Variants in GREB1L observed in about 807,000 individuals in gnomAD.
GREB1L encodes GREB1-like protein.
A neutral mutation model predicts 200.8 loss-of-function variants in GREB1L; 17 were observed. That is an observed-to-expected ratio of 0.08 (90% CI 0.06 to 0.13). The LOEUF (loss-of-function observed/expected upper bound fraction) is 0.13, where lower values mean the gene tolerates loss of function less well. GREB1L is among the 10% of genes least tolerant of loss of function. The probability of loss-of-function intolerance (pLI) is 1.00; values close to 1 mark genes in which losing one functional copy is unlikely to be tolerated. For synonymous variants in GREB1L, 789 were observed against 893.0 expected (o/e 0.88, Z 2.08); for missense variants, 1,657 against 2,367.7 (o/e 0.70, Z 6.23).
chr18:21,496,132 C>T (rs2145902834), intron 20 of GREB1L, among the ~76,000 whole-genome samples: 1 of 152,166 alleles, frequency 6.6e-6, no homozygotes, highest in East Asian at 1.9e-4. Context: ...AGGGCAACAA[C>T]AACATCAACA....
chr18:21,296,839 GA>G (rs2038536019), intron 1 of GREB1L, among the ~76,000 whole-genome samples: 1 of 152,012 alleles, frequency 6.6e-6, no homozygotes, highest in Admixed American at 6.6e-5. Context: ...ATTTTTAGTA[GA>G]GACGGGGTTT....
chr18:21,390,335 C>T (rs116869137), intron 4 of GREB1L, among the ~76,000 whole-genome samples: 2,453 of 151,886 alleles, frequency 0.016, 24 homozygotes, highest in Non-Finnish European at 0.026. Flanking sequence ...CAGGCAGGTC[C>T]TTTAGGAGGT....
intron 1 of GREB1L, among the ~76,000 whole-genome samples, chr18:21,342,994 C>T (rs1157946093): frequency 6.6e-6 from 1 of 152,182 alleles, no homozygotes; most frequent in African/African-American, 2.4e-5. Context: ...TTACCTTCAT[C>T]TGTTTTTGTC....
chr18:21,255,595 A>G (rs902050812), intron 1 of GREB1L, among the ~76,000 whole-genome samples: 2 of 152,218 alleles, frequency 1.3e-5, no homozygotes, highest in East Asian at 1.9e-4. Context: ...TTCATGCCCA[A>G]TAAAGATGAA....
chr18:21,480,266 G>T (rs2145758743), intron 17 of GREB1L, among the ~76,000 whole-genome samples: 1 of 152,222 alleles, frequency 6.6e-6, no homozygotes, highest in East Asian at 1.9e-4. Context: ...CTGGAGAATT[G>T]CTTGAACCCA....
intron 1 of GREB1L, among the ~76,000 whole-genome samples, chr18:21,330,701 C>A (rs1286389149): frequency 6.6e-6 from 1 of 151,992 alleles, no homozygotes; most frequent in African/African-American, 2.4e-5. Flanking sequence ...ATACCTAAGT[C>A]TCTCTTTGAA....
intron 1 of GREB1L, among the ~76,000 whole-genome samples, chr18:21,273,539 A>T (rs1278578853): frequency 6.6e-6 from 1 of 152,244 alleles, no homozygotes; most frequent in Non-Finnish European, 1.5e-5. Context: ...CAAACAGAAG[A>T]TAACTAATAC....
chr18:21,486,275 A>T (rs2036124663), intron 18 of GREB1L, among the ~76,000 whole-genome samples: 2 of 150,170 alleles, frequency 1.3e-5, no homozygotes, highest in South Asian at 4.2e-4. Context: ...AATGGTGTGA[A>T]CCCGGGAGGT....
rs143374265 is a variant in GREB1L at position 21,276,748 on chromosome 18, A to G, written c.-120+34355A>G. 2.4e-3 allele frequency among the ~76,000 whole-genome samples: 366 copies of G among 152,100 alleles called. 2 individuals carry two copies. Among genetic ancestry groups the G allele is most frequent in the African/African-American group, 8.6e-3 (355 of 41,490 alleles). ...AAATTAGTTCATTTCTAGTCTTTCT[A>G]TTAAAAAAAGGAAGAAAGGGAAGAA... On this transcript the variant is annotated intron_variant, in intron 1 of 32. Transcript: ENST00000424526.
chr18:21,510,596 G>A (rs1226547095), intron 27 of GREB1L, among the ~76,000 whole-genome samples: 2 of 152,146 alleles, frequency 1.3e-5, no homozygotes, highest in Non-Finnish European at 2.9e-5. Context: ...ATCCGTCAGT[G>A]GACACTTGGG....
chr18:21,408,799 A>C (rs1365398953), intron 7 of GREB1L, among the ~76,000 whole-genome samples: 1 of 151,538 alleles, frequency 6.6e-6, no homozygotes, highest in African/African-American at 2.4e-5. Flanking sequence ...CATCTCAAAA[A>C]AAAAAAAAAA....
chr18:21,466,569 T>G (rs572632085), intron 15 of GREB1L, among the ~76,000 whole-genome samples: 14 of 152,254 alleles, frequency 9.2e-5, no homozygotes, highest in African/African-American at 3.4e-4. Context: ...AAGCTTATGC[T>G]TTGAAATAAT....
chr18:21,283,553 A>G (rs1335903124), intron 1 of GREB1L, among the ~76,000 whole-genome samples: 2 of 152,168 alleles, frequency 1.3e-5, no homozygotes, highest in East Asian at 3.9e-4. Context: ...TTTTAAACCA[A>G]AAACAAATTT....
intron 1 of GREB1L, among the ~76,000 whole-genome samples, chr18:21,280,436 C>T (rs1378511305): frequency 6.6e-6 from 1 of 151,048 alleles, no homozygotes; most frequent in Non-Finnish European, 1.5e-5. Flanking sequence ...TGTGGATGTA[C>T]CACAGTTTAC....
intron 1 of GREB1L, among the ~76,000 whole-genome samples, chr18:21,307,495 GT>G (rs1400144764): frequency 2.0e-5 from 3 of 152,298 alleles, no homozygotes; most frequent in Non-Finnish European, 4.4e-5. Context: ...CAGAATAAGA[GT>G]TTAAAAGTGA....
At position 21,449,824 on chromosome 18, in the gene GREB1L, G is replaced by A. The variant is rs1220903701; in HGVS notation, c.1708G>A (p.Val570Met). 5.9e-6 allele frequency: 9 copies of A among 1,537,182 alleles called. No homozygotes were observed. In the East Asian group the frequency reaches 2.0e-4, roughly 34 times the overall value. The part of the protein sequence containing the change: ...ASKIRGNEFC[V>M]VVLGQHQSRA... ...GAAAATCAGAGGAAATGAATTTTGT[G>A]TGGTAGTGTTAGGTGAGTAATTTTT... Residue 570 changes from valine to methionine, a missense_variant, in exon 12 of 33, where the codon GTG (valine) becomes ATG (methionine). Coordinates refer to ENST00000424526, the MANE Select transcript of GREB1L (RefSeq NM_001142966.3).
At chr18:21,290,993 A>G (rs151214460) in intron 1 of GREB1L, among the ~76,000 whole-genome samples, 70 of 152,258 alleles carry the variant, frequency 4.6e-4, no homozygotes, top group African/African-American at 1.6e-3. Context: ...CGCTTGTCCT[A>G]TAGGATATTT....
chr18:21,419,651 T>C (rs2031975823), intron 7 of GREB1L, among the ~76,000 whole-genome samples: 4 of 152,232 alleles, frequency 2.6e-5, no homozygotes. Flanking sequence ...GGTTTCACCA[T>C]GTTGACCAGG....
chr18:21,449,937 C>G, intron 12 of GREB1L, 101 bp downstream of exon 12: 1 of 897,040 alleles, frequency 1.1e-6, no homozygotes, highest in South Asian at 1.8e-5. Context: ...CATAATCAAC[C>G]TCTGATTAAT....
Sources: allele counts gnomAD v4.1 joint callset (sites outside exome capture counted in the v4.1 genomes callset), GRCh38; gene constraint gnomAD v4.1.1; transcripts MANE v1.5; gene names NCBI Gene and HGNC (gene_info 2026-07-23, HGNC 2026-07-21).